The following PTPRG variants were observed in gnomAD, a reference collection of about 807,000 sequenced individuals.
PTPRG encodes the protein protein tyrosine phosphatase receptor type G.
PTPRG carries 102 observed loss-of-function variants against 165.3 expected under a neutral mutation model. The observed-to-expected ratio is 0.62, with a 90% CI of 0.53 to 0.73. The LOEUF (loss-of-function observed/expected upper bound fraction) is 0.73, where lower values mean the gene tolerates loss of function less well. PTPRG is among the 30% of genes least tolerant of loss of function. The pLI is 0.00. For synonymous variants in PTPRG, 675 were observed against 669.5 expected, an observed-to-expected ratio of 1.01 and a Z score of -0.13; for missense variants, 1,866 against 1,861.4, an observed-to-expected ratio of 1.00 and a Z score of -0.05.
intron 1 of PTPRG, among the ~76,000 whole-genome samples, chr3:61,580,309 T>C (rs1318707053): frequency 6.6e-6 from 1 of 151,732 alleles, no homozygotes; most frequent in Non-Finnish European, 1.5e-5. Flanking sequence ...ACAACAGTTA[T>C]ACTCAGATTT....
chr3:61,908,586 C>G (rs983134842), intron 2 of PTPRG, among the ~76,000 whole-genome samples: 1 of 151,962 alleles, frequency 6.6e-6, no homozygotes, highest in African/African-American at 2.4e-5. Context: ...AATTTAGTGA[C>G]TCAGTGCAGC....
At chr3:61,662,807 G>C (rs1465825545) in intron 1 of PTPRG, among the ~76,000 whole-genome samples, 39 of 152,160 alleles carry the variant, frequency 2.6e-4, no homozygotes. Context: ...TGTTCCAGTA[G>C]CATTTTAAAA....
At chr3:61,841,063 T>G (rs1385192129) in intron 2 of PTPRG, among the ~76,000 whole-genome samples, 1 of 152,198 alleles carries the variant, frequency 6.6e-6, no homozygotes, top group Non-Finnish European at 1.5e-5. Context: ...ATTACAGATG[T>G]GAGCCACCAC....
chr3:61,704,973 C>G (rs2031173877), intron 1 of PTPRG, among the ~76,000 whole-genome samples: 1 of 152,162 alleles, frequency 6.6e-6, no homozygotes, highest in Non-Finnish European at 1.5e-5. Flanking sequence ...TAGGTCCTTG[C>G]TGAGAGCAGA....
intron 2 of PTPRG, among the ~76,000 whole-genome samples, chr3:61,891,685 A>G (rs1375342557): frequency 1.3e-5 from 2 of 152,202 alleles, no homozygotes; most frequent in Non-Finnish European, 2.9e-5. Flanking sequence ...CTAGTTTTAA[A>G]CTAGAAAACG....
At chr3:61,890,006 A>C (rs1353777878) in intron 2 of PTPRG, among the ~76,000 whole-genome samples, 1 of 152,238 alleles carries the variant, frequency 6.6e-6, no homozygotes. Flanking sequence ...GGGGCCTCCA[A>C]ATCAAGAGAT....
intron 3 of PTPRG, 116 bp from the exon 4 acceptor site, chr3:62,003,233 A>G (rs2041216643): frequency 8.3e-7 from 1 of 1,201,152 alleles, no homozygotes; most frequent in South Asian, 1.5e-5. Flanking sequence ...TTTCATAGGT[A>G]CATGAGGACA....
In PTPRG at chr3:62,241,691, A is replaced by T. The variant is rs145454228; in HGVS notation, c.2376-2116A>T. ...TATATATCCTTTCCAAGTCACTTTA[A>T]CAGTAACTTGGCCAATAACAATTGT... On this transcript the variant is annotated intron_variant, in intron 14 of 29. Coordinates refer to ENST00000474889, the MANE Select transcript of PTPRG (RefSeq NM_002841.4). Among the ~76,000 whole-genome samples, 133 of 152,276 alleles carry T rather than the reference A, an allele frequency of 8.7e-4. 2 individuals are homozygous for T. In the East Asian group the frequency reaches 0.019, roughly 22 times the overall value.
At chr3:62,127,660 CA>C (rs1270457369) in intron 5 of PTPRG, among the ~76,000 whole-genome samples, 2 of 152,152 alleles carry the variant, frequency 1.3e-5, no homozygotes, top group African/African-American at 4.8e-5. Context: ...GGATTCAAGG[CA>C]AGTAGGTTGT....
chr3:61,728,915 A>T (rs932837734), intron 1 of PTPRG, among the ~76,000 whole-genome samples: 2 of 151,100 alleles, frequency 1.3e-5, no homozygotes, highest in Non-Finnish European at 2.9e-5. Context: ...GAAAAAAATT[A>T]GCTGGACATG....
At chr3:61,873,302 C>G (rs886494657) in intron 2 of PTPRG, among the ~76,000 whole-genome samples, 2 of 152,176 alleles carry the variant, frequency 1.3e-5, no homozygotes, top group African/African-American at 4.8e-5. Flanking sequence ...GGAGACCATG[C>G]AACTGCTAAA....
intron 2 of PTPRG, among the ~76,000 whole-genome samples, chr3:61,929,452 T>C (rs945024589): frequency 6.6e-6 from 1 of 152,230 alleles, no homozygotes; most frequent in African/African-American, 2.4e-5. Flanking sequence ...GTTCCATTTC[T>C]CAACTGAAAC....
chr3:61,595,183 TTG>T (rs201259296), intron 1 of PTPRG, among the ~76,000 whole-genome samples: 6 of 151,316 alleles, frequency 4.0e-5, no homozygotes, highest in African/African-American at 1.5e-4. Context: ...CAAGATGTGT[TTG>T]TTTTTTTTTT....
At chr3:61,783,638 G>A (rs966569801) in intron 2 of PTPRG, among the ~76,000 whole-genome samples, 1 of 152,140 alleles carries the variant, frequency 6.6e-6, no homozygotes, top group African/African-American at 2.4e-5. Context: ...TTGACGTTGA[G>A]TTGGGGTGGG....
At chr3:61,819,480 T>C (rs906957407) in intron 2 of PTPRG, among the ~76,000 whole-genome samples, 1 of 152,196 alleles carries the variant, frequency 6.6e-6, no homozygotes, top group East Asian at 1.9e-4. Context: ...CACAGTTTTG[T>C]GGCCCTGAAT....
chr3:61,585,565 CA>C (rs1255424376), intron 1 of PTPRG, among the ~76,000 whole-genome samples: 1 of 151,808 alleles, frequency 6.6e-6, no homozygotes, highest in Non-Finnish European at 1.5e-5. Flanking sequence ...GGCAACATGG[CA>C]AAACCCTGTC....
chr3:61,655,154 G>A (rs1702475488), intron 1 of PTPRG, among the ~76,000 whole-genome samples: 1 of 152,124 alleles, frequency 6.6e-6, no homozygotes, highest in African/African-American at 2.4e-5. Context: ...TCATCCTGCA[G>A]GTGGAATGGT....
intron 2 of PTPRG, among the ~76,000 whole-genome samples, chr3:61,960,414 G>C (rs1447440232): frequency 6.6e-6 from 1 of 151,996 alleles, no homozygotes. Context: ...TGCCCTGCCA[G>C]GAACATGGCA....
At chr3:62,111,962 C>A (rs9877625) in intron 5 of PTPRG, among the ~76,000 whole-genome samples, 1 of 152,002 alleles carries the variant, frequency 6.6e-6, no homozygotes, top group South Asian at 2.1e-4. Context: ...TTCTTAAGGA[C>A]TTGAATGATT....
Sources: gnomAD v4.1 joint callset for allele counts (sites outside exome capture counted in the v4.1 genomes callset) on GRCh38, gnomAD v4.1.1 for gene constraint, MANE v1.5 for transcripts, NCBI Gene and HGNC (gene_info 2026-07-23, HGNC 2026-07-21) for gene names.